The following TNFRSF10B variants were observed in gnomAD, a reference collection of about 807,000 sequenced individuals.
The protein encoded by TNFRSF10B is TNF receptor superfamily member 10b, also known as tumor necrosis factor receptor superfamily member 10B.
Under a neutral mutation model 41.4 loss-of-function variants are expected in TNFRSF10B, and 35 were observed. The ratio of observed to expected loss-of-function variants is 0.85; its 90% CI spans 0.65 to 1.12. TNFRSF10B has a LOEUF of 1.12. Ranked by LOEUF, TNFRSF10B falls within the 50% of genes most tolerant of loss-of-function variation. The probability of loss-of-function intolerance (pLI) is 0.00; values close to 1 mark genes in which losing one functional copy is unlikely to be tolerated. For synonymous variants in TNFRSF10B, 230 were observed against 215.5 expected (o/e 1.07, Z -0.59); for missense variants, 584 against 552.7 (o/e 1.06, Z -0.57).
chr8:23,031,099 G>A (rs746599928), intron 2 of TNFRSF10B, among the ~76,000 whole-genome samples: 111 of 152,072 alleles, frequency 7.3e-4, no homozygotes, highest in Non-Finnish European at 1.3e-3. Flanking sequence ...TTTTTGAGAC[G>A]TAGTCTCACT....
chr8:23,041,454 C>A (rs1214946805), intron 2 of TNFRSF10B, among the ~76,000 whole-genome samples: 1 of 152,042 alleles, frequency 6.6e-6, no homozygotes, highest in African/African-American at 2.4e-5. Flanking sequence ...ATCGCTTGAG[C>A]CCAAGTGGTT....
At chr8:23,052,314 C>G (rs1256942324) in intron 1 of TNFRSF10B, among the ~76,000 whole-genome samples, 1 of 123,810 alleles carries the variant, frequency 8.1e-6, no homozygotes, top group Non-Finnish European at 1.6e-5. Flanking sequence ...GAGACAGAGT[C>G]TTGCTCTGTC....
At chr8:23,051,669 C>T (rs1018603241) in intron 1 of TNFRSF10B, among the ~76,000 whole-genome samples, 1 of 151,928 alleles carries the variant, frequency 6.6e-6, no homozygotes, top group Non-Finnish European at 1.5e-5. Context: ...CTCAGCCTCC[C>T]GAGTAGCTGG....
At chr8:23,048,614 C>A (rs1812433764) in intron 1 of TNFRSF10B, among the ~76,000 whole-genome samples, 1 of 152,102 alleles carries the variant, frequency 6.6e-6, no homozygotes, top group South Asian at 2.1e-4. Flanking sequence ...TTAATAACAG[C>A]ATATTGTACA....
At chr8:23,027,354 G>T (rs534824533) in intron 6 of TNFRSF10B, 66 bp from the exon 7 acceptor site, 4 of 1,592,224 alleles carry the variant, frequency 2.5e-6, no homozygotes, top group Non-Finnish European at 2.6e-6. Flanking sequence ...TCGCTGCAGG[G>T]TCCTCAGTAT....
chr8:23,033,735 T>C (rs1176748889), intron 2 of TNFRSF10B, among the ~76,000 whole-genome samples: 1 of 151,796 alleles, frequency 6.6e-6, no homozygotes, highest in Non-Finnish European at 1.5e-5. Flanking sequence ...CATTTATTTA[T>C]CATAGTTCTA....
In TNFRSF10B at chr8:23,020,670, C is replaced by T. The variant is rs780036912; in HGVS notation, c.*2001G>A. On this transcript the variant is annotated 3_prime_UTR_variant, in exon 9 of 9. Transcript: ENST00000276431. Reference sequence around the variant, plus strand: ...TCGTACCGTTGCACTCCAGCCTGGGCGAGAGAGTGAGATTCTGTCTCAAAA... The same window carrying T: ...TCGTACCGTTGCACTCCAGCCTGGGTGAGAGAGTGAGATTCTGTCTCAAAA... 461 of 453,808 alleles carry T rather than the reference C, an allele frequency of 1.0e-3. No individual in the cohort carries two copies. Among genetic ancestry groups the T allele is most frequent in the Middle Eastern group, 2.1e-3 (3 of 1,444 alleles). The allele number at this position is 453,808 out of a possible 1,614,324, so 28.1% of individuals were successfully genotyped here.
At chr8:23,027,834 C>G (rs1363277166) in intron 5 of TNFRSF10B, 81 bp from the exon 6 acceptor site, 1 of 1,569,262 alleles carries the variant, frequency 6.4e-7, no homozygotes. Context: ...GGGCGCAGGG[C>G]TGGGCTGGGG....
intron 1 of TNFRSF10B, among the ~76,000 whole-genome samples, chr8:23,060,558 T>C (rs1244510416): frequency 6.6e-6 from 1 of 152,254 alleles, no homozygotes; most frequent in African/African-American, 2.4e-5. Flanking sequence ...TAGGAAGTTT[T>C]GAAAATCAGG....
chr8:23,033,620 A>AAAAAAAAAAAAAAAG (rs1563310598), intron 2 of TNFRSF10B, among the ~76,000 whole-genome samples: 6 of 107,666 alleles, frequency 5.6e-5, no homozygotes, highest in African/African-American at 1.9e-4. Flanking sequence ...AAAAAAAAAA[A>AAAAAAAAAAAAAAAG]AGAACCCTGG....
intron 1 of TNFRSF10B, among the ~76,000 whole-genome samples, chr8:23,064,660 G>A (rs1414650379): frequency 1.3e-5 from 2 of 152,190 alleles, no homozygotes; most frequent in Non-Finnish European, 1.5e-5. Context: ...TCACCCACCT[G>A]TGATTCAGGC....
intron 1 of TNFRSF10B, among the ~76,000 whole-genome samples, chr8:23,054,282 T>A (rs1337403853): frequency 6.6e-6 from 1 of 152,220 alleles, no homozygotes; most frequent in Non-Finnish European, 1.5e-5. Flanking sequence ...ACTGAAGTGA[T>A]CTTTTTGACT....
chr8:23,037,888 T>C lies in TNFRSF10B; in HGVS notation c.250+5250A>G, dbSNP rs563131290. On this transcript the variant is annotated intron_variant, in intron 2 of 8. Transcript: ENST00000276431. ...GAAGCAGGAATGGCCCCACTCCACA[T>C]TACCCTTAGTGGCCTGTTATCAAAA... is the stretch of plus-strand genomic sequence containing the variant. Among the ~76,000 whole-genome samples the C allele has an allele frequency of 3.3e-5, 5 of 152,256 alleles. No homozygotes were observed. In the South Asian group the frequency reaches 1.0e-3, roughly 32 times the overall value.
At chr8:23,067,053 A>T (rs1813007950) in intron 1 of TNFRSF10B, among the ~76,000 whole-genome samples, 1 of 151,292 alleles carries the variant, frequency 6.6e-6, no homozygotes, top group African/African-American at 2.4e-5. Context: ...ATCTCTGCTC[A>T]CTGCAACTTC....
At chr8:23,063,932 C>T (rs533683437) in intron 1 of TNFRSF10B, among the ~76,000 whole-genome samples, 4 of 152,250 alleles carry the variant, frequency 2.6e-5, no homozygotes, top group Non-Finnish European at 2.9e-5. Flanking sequence ...GTTTAACACA[C>T]TCTATGAGCA....
At chr8:23,060,470 G>A (rs1052283587) in intron 1 of TNFRSF10B, among the ~76,000 whole-genome samples, 1 of 152,050 alleles carries the variant, frequency 6.6e-6, no homozygotes, top group South Asian at 2.1e-4. Context: ...GTTTATTTCT[G>A]GCTCCTCTAT....
At chr8:23,053,868 T>G (rs939213374) in intron 1 of TNFRSF10B, among the ~76,000 whole-genome samples, 1 of 152,236 alleles carries the variant, frequency 6.6e-6, no homozygotes, top group African/African-American at 2.4e-5. Context: ...TGTATGTGCA[T>G]AAATATATTA....
chr8:23,066,960 A>G (rs926463269), intron 1 of TNFRSF10B, among the ~76,000 whole-genome samples: 6 of 151,976 alleles, frequency 3.9e-5, no homozygotes, highest in African/African-American at 1.4e-4. Context: ...GAAATTCAAC[A>G]TAACTCTGTT....
At chr8:23,029,519 G>A (rs548813782) in intron 4 of TNFRSF10B, 91 bp downstream of exon 4, 138 of 1,271,302 alleles carry the variant, frequency 1.1e-4, no homozygotes, top group East Asian at 7.0e-4. Flanking sequence ...TGCCCCTTGC[G>A]GGTGCTGTCA....
Sources: allele counts gnomAD v4.1 joint callset (sites outside exome capture counted in the v4.1 genomes callset), GRCh38; gene constraint gnomAD v4.1.1; transcripts MANE v1.5; gene names NCBI Gene and HGNC (gene_info 2026-07-23, HGNC 2026-07-21).